Variants in GLMN observed in about 807,000 individuals in gnomAD.
The protein encoded by GLMN is glomulin, FKBP associated protein, also known as glomulin.
A neutral mutation model predicts 87.8 loss-of-function variants in GLMN; 75 were observed. The ratio of observed to expected loss-of-function variants is 0.85; its 90% CI spans 0.71 to 1.04. The LOEUF (loss-of-function observed/expected upper bound fraction) is 1.04. GLMN is among the 50% of genes least tolerant of loss of function. GLMN has a pLI of 0.00. For synonymous variants in GLMN, 206 were observed against 221.6 expected (o/e 0.93, Z 0.63); for missense variants, 588 against 658.8 (o/e 0.89, Z 1.18).
the GLMN span, among the ~76,000 whole-genome samples, chr1:92,342,633 A>C: frequency 1.3e-5 from 2 of 152,224 alleles, no homozygotes; most frequent in African/African-American, 2.4e-5. Context: ...AGAAATAGCC[A>C]GGACTATTTT....
upstream of GLMN, among the ~76,000 whole-genome samples, chr1:92,299,313 G>C (rs1384187797): frequency 1.3e-5 from 2 of 152,188 alleles, no homozygotes; most frequent in African/African-American, 4.8e-5. Flanking sequence ...TCCTGGGAAA[G>C]ATTTCCTGGC....
intron 3 of GLMN, among the ~76,000 whole-genome samples, chr1:92,291,998 A>C (rs186187754): frequency 6.6e-6 from 1 of 152,332 alleles, no homozygotes. Flanking sequence ...TCTCTCCTAC[A>C]TACAAGTGGC....
chr1:92,324,492 C>A, the GLMN span: 2 of 782,966 alleles, frequency 2.6e-6, no homozygotes, highest in Non-Finnish European at 4.0e-6. Flanking sequence ...CAAATAGTTT[C>A]TTTAGTCATT....
the GLMN span, among the ~76,000 whole-genome samples, chr1:92,321,073 C>G: frequency 2.0e-5 from 3 of 152,164 alleles, no homozygotes; most frequent in East Asian, 5.8e-4. Context: ...TCTTTCTAAA[C>G]TTTCCTCATG....
the GLMN span, among the ~76,000 whole-genome samples, chr1:92,343,256 G>C: frequency 2.6e-5 from 4 of 152,144 alleles, no homozygotes; most frequent in Non-Finnish European, 5.9e-5. Flanking sequence ...ATTAAGATGA[G>C]GGTTGCGAAA....
the GLMN span, chr1:92,323,306 A>C: frequency 1.9e-5 from 9 of 470,372 alleles, no homozygotes; most frequent in South Asian, 6.3e-5. Flanking sequence ...CCTAGAAATA[A>C]GGTTTTGTCT....
chr1:92,275,523 C>A (rs1210855484), intron 7 of GLMN, among the ~76,000 whole-genome samples: 1 of 152,204 alleles, frequency 6.6e-6, no homozygotes, highest in South Asian at 2.1e-4. Context: ...CCATTACCTT[C>A]CTACCCTTAG....
At chr1:92,309,568 C>T in the GLMN span, among the ~76,000 whole-genome samples, 232 of 8,228 alleles carry the variant, frequency 0.028, no homozygotes, top group African/African-American at 0.06. Context: ...CATACACATA[C>T]ACATATACAT....
At chr1:92,296,758 T>C (rs1650110992) in intron 3 of GLMN, among the ~76,000 whole-genome samples, 1 of 152,188 alleles carries the variant, frequency 6.6e-6, no homozygotes, top group Non-Finnish European at 1.5e-5. Context: ...TCTCAAACCA[T>C]TGTAACTGGA....
the GLMN span, among the ~76,000 whole-genome samples, chr1:92,360,368 A>G: frequency 2.0e-5 from 3 of 152,336 alleles, no homozygotes; most frequent in African/African-American, 7.2e-5. Flanking sequence ...AGGCTGCTAT[A>G]GTATTACATA....
chr1:92,353,393 A>G, the GLMN span, among the ~76,000 whole-genome samples: 19 of 152,192 alleles, frequency 1.2e-4, no homozygotes, highest in Non-Finnish European at 1.6e-4. Flanking sequence ...AGGCTTATAT[A>G]TGCAGTTTCC....
chr1:92,299,092 C>T (rs771197451), upstream of GLMN: 7 of 1,518,796 alleles, frequency 4.6e-6, no homozygotes, highest in South Asian at 2.5e-5. Context: ...CTTCGCTGGG[C>T]CGTCTTCTGC....
At chr1:92,321,514 C>T in the GLMN span, among the ~76,000 whole-genome samples, 1 of 151,902 alleles carries the variant, frequency 6.6e-6, no homozygotes, top group African/African-American at 2.4e-5. Flanking sequence ...TGCTTCTTGA[C>T]CCAGAGTCTT....
At position 92,286,561 on chromosome 1, in the gene GLMN, T is replaced by A. The variant is rs759701320; in HGVS notation, c.664A>T (p.Thr222Ser). ...TCAGACTGTTCAAAGAATTGTGCTG[T>A]CAGCAAAGGGCATTTCAAGCTTTTG... ...CFKSLKCPLLTAQFFEQSEEG... is the reference protein window; with the variant it reads ...CFKSLKCPLLSAQFFEQSEEG... Residue 222 changes from threonine to serine, a missense_variant, in exon 7 of 19, where the codon ACA becomes TCA. Thr to Ser is a moderately conservative substitution (Grantham distance 58). Transcript: ENST00000370360. The A allele has an allele frequency of 1.9e-6, 3 of 1,604,054 alleles. No individual in the cohort carries two copies. The East Asian group carries it at 6.7e-5, about 36-fold the overall frequency.
the GLMN span, among the ~76,000 whole-genome samples, chr1:92,346,708 A>G: frequency 5.9e-5 from 9 of 152,214 alleles, no homozygotes; most frequent in Non-Finnish European, 1.2e-4. Flanking sequence ...GATGCTTACT[A>G]CAAAAGCATA....
intron 16 of GLMN, among the ~76,000 whole-genome samples, chr1:92,252,879 A>G (rs1052103879): frequency 1.3e-5 from 2 of 152,214 alleles, no homozygotes; most frequent in Non-Finnish European, 2.9e-5. Context: ...TTCCAGTTCT[A>G]AGGCTTAAAA....
intron 9 of GLMN, among the ~76,000 whole-genome samples, chr1:92,269,059 C>T (rs577861775): frequency 1.7e-4 from 26 of 151,994 alleles, no homozygotes; most frequent in South Asian, 8.3e-4. Context: ...GCTGGGACAA[C>T]GGGCAGGCGC....
chr1:92,361,154 C>T, the GLMN span, among the ~76,000 whole-genome samples: 1 of 151,574 alleles, frequency 6.6e-6, no homozygotes, highest in African/African-American at 2.4e-5. Context: ...CACACACACA[C>T]ACACGTAAGT....
chr1:92,271,621 G>C lies in GLMN; in HGVS notation c.767C>G (p.Pro256Arg). The change falls in exon 8 of 19, where the codon CCC becomes CGC. Residue 256 changes from proline (P) to arginine (R), a missense_variant. Transcript: ENST00000370360. ...CCTTCCATGATTAAAAATCATTTTG[G>C]GGAAAGGGTGTCCAATTGCTGATAA... ...GFLSAIGHPF[P>R]KMIFNHGRKK... 1 of 1,612,580 alleles carries C rather than the reference G, an allele frequency of 6.2e-7. No homozygotes were observed. Among genetic ancestry groups the C allele is most frequent in the Non-Finnish European group, 8.5e-7 (1 of 1,178,902 alleles).
Sources: allele counts gnomAD v4.1 joint callset (sites outside exome capture counted in the v4.1 genomes callset), GRCh38; gene constraint gnomAD v4.1.1; transcripts MANE v1.5; gene names NCBI Gene and HGNC (gene_info 2026-07-23, HGNC 2026-07-21).